Variants in AOAH observed in about 807,000 individuals in gnomAD.
AOAH encodes acyloxyacyl hydrolase (neutrophil).
AOAH carries 64 observed loss-of-function variants against 92.2 expected under a neutral mutation model. That is an observed-to-expected ratio of 0.69 (90% CI 0.57 to 0.86). The LOEUF (loss-of-function observed/expected upper bound fraction) is 0.86, where lower values mean the gene tolerates loss of function less well. Ranked by LOEUF, AOAH falls within the 40% of genes least tolerant of loss-of-function variation. The probability of loss-of-function intolerance (pLI) is 0.00; values close to 1 mark genes in which losing one functional copy is unlikely to be tolerated. For synonymous variants in AOAH, 263 were observed against 254.5 expected (o/e 1.03, Z -0.32); for missense variants, 656 against 694.6 (o/e 0.94, Z 0.62).
chr7:36,526,421 C>T (rs531415340), intron 19 of AOAH, among the ~76,000 whole-genome samples: 15 of 152,260 alleles, frequency 9.9e-5, no homozygotes, highest in African/African-American at 3.6e-4. Flanking sequence ...AGGGAAGATC[C>T]TTTTTTTGTT....
At chr7:36,711,372 A>T (rs1005732355) in intron 1 of AOAH, among the ~76,000 whole-genome samples, 5 of 152,270 alleles carry the variant, frequency 3.3e-5, no homozygotes, top group Middle Eastern at 3.4e-3. Flanking sequence ...TTACAAAAAA[A>T]AATTACTTCC....
chr7:36,588,168 A>C (rs1789485914), intron 12 of AOAH, among the ~76,000 whole-genome samples: 1 of 152,228 alleles, frequency 6.6e-6, no homozygotes, highest in Non-Finnish European at 1.5e-5. Context: ...CTCTTGTTTT[A>C]AACTGGGAGG....
intron 3 of AOAH, among the ~76,000 whole-genome samples, chr7:36,670,986 C>A (rs1260655615): frequency 6.6e-6 from 1 of 152,160 alleles, no homozygotes; most frequent in Non-Finnish European, 1.5e-5. Context: ...ACTCCCAGCA[C>A]ACTGCTGTTG....
intron 13 of AOAH, among the ~76,000 whole-genome samples, chr7:36,573,470 C>T (rs892856458): frequency 1.3e-5 from 2 of 152,184 alleles, no homozygotes; most frequent in Admixed American, 6.5e-5. Context: ...GTAACCCCAG[C>T]GTTTTGGGAG....
chr7:36,514,818 C>T lies in AOAH; in HGVS notation c.1600-1438G>A, dbSNP rs73097443. On this transcript the variant is annotated intron_variant, in intron 20 of 20. Transcript: ENST00000617537. Reference sequence around the variant, plus strand: ...TAATAGGCAGCGTAGCCAACTCCCTCTCTGGGCCCAGCCCTCTCATCTGGA... The same window carrying T: ...TAATAGGCAGCGTAGCCAACTCCCTTTCTGGGCCCAGCCCTCTCATCTGGA... 8.4e-3 allele frequency: 4,187 copies of T among 496,140 alleles called. 34 individuals are homozygous for T. Among genetic ancestry groups the T allele is most frequent in the Non-Finnish European group, 0.011 (3,102 of 273,714 alleles). 30.7% of individuals were successfully genotyped at this position (496,140 alleles called of 1,614,324 possible).
intron 9 of AOAH, among the ~76,000 whole-genome samples, chr7:36,620,200 T>C (rs1184441521): frequency 6.6e-6 from 1 of 152,210 alleles, no homozygotes; most frequent in Admixed American, 6.5e-5. Context: ...TGAGGAACCC[T>C]CAAATCTTGT....
chr7:36,650,231 G>A (rs11980004), intron 4 of AOAH, among the ~76,000 whole-genome samples: 124,951 of 152,162 alleles, frequency 0.82, 51,670 homozygotes, highest in African/African-American at 0.93. Flanking sequence ...GAGAAAATCC[G>A]TAGAAAAAGA....
At chr7:36,548,757 T>TACAAA in intron 14 of AOAH, 71 bp from the exon 15 acceptor site, 2 of 1,429,038 alleles carry the variant, frequency 1.4e-6, no homozygotes, top group Non-Finnish European at 2.0e-6. Context: ...TGACACAGGC[T>TACAAA]GGGCCTTTGA....
intron 1 of AOAH, among the ~76,000 whole-genome samples, chr7:36,709,354 G>C (rs934804440): frequency 2.6e-5 from 4 of 152,146 alleles, no homozygotes; most frequent in Admixed American, 6.6e-5. Context: ...ACCAAGCTGA[G>C]GGCAGTGTAG....
intron 13 of AOAH, among the ~76,000 whole-genome samples, chr7:36,558,923 C>A (rs1179158942): frequency 1.3e-5 from 2 of 152,284 alleles, no homozygotes; most frequent in African/African-American, 4.8e-5. Flanking sequence ...ACCCCTTGCA[C>A]TTCCCGAGTG....
At chr7:36,515,703 A>AC (rs373927138) in intron 20 of AOAH, among the ~76,000 whole-genome samples, 5 of 48,578 alleles carry the variant, frequency 1.0e-4, no homozygotes, top group Admixed American at 2.6e-4. Flanking sequence ...ATAATCACAC[A>AC]CCCCCCCACA....
chr7:36,694,637 A>T (rs1797599907), intron 1 of AOAH, among the ~76,000 whole-genome samples: 1 of 152,184 alleles, frequency 6.6e-6, no homozygotes, highest in African/African-American at 2.4e-5. Flanking sequence ...TGGAGCTGAG[A>T]TTTACTTCAT....
In AOAH at chr7:36,588,374, TG is replaced by T. The variant is rs540050473; in HGVS notation, c.938+5964del. Among the ~76,000 whole-genome samples, 382 of 152,356 alleles carry T rather than the reference TG, an allele frequency of 2.5e-3. 3 individuals are homozygous for T. Among genetic ancestry groups the T allele is most frequent in the Middle Eastern group, 0.014 (4 of 294 alleles). ...GTCTTAGAGACCCCACAGGGGTTCA[TG>T]GACCACACTTGGAGAACTGCTGCTA... is the stretch of plus-strand genomic sequence containing the variant. On this transcript the variant is annotated intron_variant, in intron 12 of 20. Transcript: ENST00000617537.
chr7:36,660,171 G>A (rs928129042), intron 3 of AOAH, among the ~76,000 whole-genome samples: 5 of 152,038 alleles, frequency 3.3e-5, no homozygotes, highest in Non-Finnish European at 7.3e-5. Flanking sequence ...CTGTCTTTTC[G>A]GACTCAGCCC....
rs34306027 is a variant in AOAH, at chr7:36,615,881, CT to C, written c.846+498del. Among the ~76,000 whole-genome samples, 148 of 146,064 alleles carry C rather than the reference CT, an allele frequency of 1.0e-3. 1 individual carries two copies. In the South Asian group the frequency reaches 0.012, roughly 12 times the overall value. ...TGCAATTTTGCCTTGTGGCCCTCTT[CT>C]TTTTTTTTTTTATTAAAAAACCCTC... is the stretch of plus-strand genomic sequence containing the variant. On this transcript the variant is annotated intron_variant, in intron 11 of 20. Transcript: ENST00000617537.
chr7:36,610,159 C>CAAA (rs71553082), intron 11 of AOAH, among the ~76,000 whole-genome samples: 593 of 49,218 alleles, frequency 0.012, 37 homozygotes, highest in African/African-American at 0.035. Context: ...TCCATAATAG[C>CAAA]AAAAAAAAAA....
intron 1 of AOAH, among the ~76,000 whole-genome samples, chr7:36,716,197 T>C (rs1381624181): frequency 1.3e-5 from 2 of 152,294 alleles, no homozygotes; most frequent in East Asian, 1.9e-4. Flanking sequence ...AAAGAAGACA[T>C]TTATGCAGCC....
At chr7:36,566,509 G>A (rs1212876095) in intron 13 of AOAH, among the ~76,000 whole-genome samples, 4 of 151,974 alleles carry the variant, frequency 2.6e-5, no homozygotes, top group African/African-American at 9.7e-5. Flanking sequence ...TGTCAGAGTA[G>A]GTAGCTAGTC....
intron 11 of AOAH, among the ~76,000 whole-genome samples, chr7:36,615,723 A>G (rs1791823642): frequency 6.6e-6 from 1 of 152,192 alleles, no homozygotes; most frequent in Non-Finnish European, 1.5e-5. Flanking sequence ...GGTTGCCATT[A>G]TATGTCTACC....
Sources: gnomAD v4.1 joint callset for allele counts (sites outside exome capture counted in the v4.1 genomes callset) on GRCh38, gnomAD v4.1.1 for gene constraint, MANE v1.5 for transcripts, NCBI Gene and HGNC (gene_info 2026-07-23, HGNC 2026-07-21) for gene names.